The following PGAP2 variants were observed in gnomAD, a reference collection of about 807,000 sequenced individuals.
PGAP2 encodes the protein acyltransferase PGAP2.
In PGAP2, 21 loss-of-function variants were observed where a neutral mutation model predicts 33.2. The ratio of observed to expected loss-of-function variants is 0.63; its 90% CI spans 0.45 to 0.91. The LOEUF is 0.91. Ranked by LOEUF, PGAP2 falls within the 40% of genes least tolerant of loss-of-function variation. The probability of loss-of-function intolerance (pLI) is 0.00; values close to 1 mark genes in which losing one functional copy is unlikely to be tolerated. For missense variants in PGAP2, 345 were observed against 424.0 expected, an observed-to-expected ratio of 0.81 and a Z score of 1.64; for synonymous variants, 161 against 172.9, an observed-to-expected ratio of 0.93 and a Z score of 0.54.
At chr11:3,822,780 C>G (rs1156339569) in intron 3 of PGAP2, 2 of 537,992 alleles carry the variant, frequency 3.7e-6, no homozygotes, top group South Asian at 3.1e-5. Flanking sequence ...TCTAAGAGAG[C>G]CTCTTCCCAT....
At chr11:3,798,989 C>T (rs2083051403) in intron 1 of PGAP2, among the ~76,000 whole-genome samples, 1 of 152,228 alleles carries the variant, frequency 6.6e-6, no homozygotes, top group South Asian at 2.1e-4. Flanking sequence ...ATGTTCCCAT[C>T]TTCTCAGTGA....
chr11:3,825,158 C>A lies in PGAP2; in HGVS notation c.817+30C>A. 2.5e-6 allele frequency: 4 copies of A among 1,606,284 alleles called. No individual in the cohort carries two copies. The South Asian group carries it at 4.4e-5, about 18-fold the overall frequency. On this transcript the variant is annotated intron_variant, in intron 6 of 6. Transcript: ENST00000278243. ...GGCCAGGATAGGATCCACAGGCGGT[C>A]ATGAGTGGCTGCGGGGCAGCAATGA...
At chr11:3,808,066 CCGG>C (rs75108073), upstream of PGAP2, 163,598 of 1,423,458 alleles carry the variant, frequency 0.11, 10,405 homozygotes, top group Middle Eastern at 0.15. Context: ...ATGTGCCTCA[CCGG>C]GTCTCACTGC....
Position 3,815,852 on chromosome 11 carries a change from T to C in PGAP2, c.166-1501T>C, listed in dbSNP as rs918645834. 3.9e-5 allele frequency among the ~76,000 whole-genome samples: 6 copies of C among 152,336 alleles called. No individual in the cohort carries two copies. In the East Asian group the frequency reaches 1.2e-3, roughly 29 times the overall value. ...CTTTTGTATCCTGCTTCTGTCATCA[T>C]AGGATTTAGCCATTTCTCCAGTGAG... On this transcript the variant is annotated intron_variant, in intron 2 of 6. Coordinates refer to ENST00000278243, the MANE Select transcript of PGAP2 (RefSeq NM_014489.4).
chr11:3,824,492 A>T, intron 5 of PGAP2, 116 bp downstream of exon 5: 1 of 1,501,238 alleles, frequency 6.7e-7, no homozygotes, highest in Non-Finnish European at 9.1e-7. Flanking sequence ...GAACCCTGGC[A>T]GAGGGGTGCT....
At chr11:3,803,062 C>G (rs554264923) in intron 1 of PGAP2, among the ~76,000 whole-genome samples, 2 of 151,190 alleles carry the variant, frequency 1.3e-5, no homozygotes, top group East Asian at 2.0e-4. Flanking sequence ...GGTGTGATCC[C>G]AGCTCACTGC....
At chr11:3,800,986 T>G (rs1263088680) in intron 1 of PGAP2, among the ~76,000 whole-genome samples, 3 of 150,366 alleles carry the variant, frequency 2.0e-5, no homozygotes, top group Non-Finnish European at 3.0e-5. Flanking sequence ...TACAAAAAAT[T>G]AGCCGGGTGT....
chr11:3,808,494 A>C (rs909711632), upstream of PGAP2: 2 of 1,414,944 alleles, frequency 1.4e-6, no homozygotes, highest in African/African-American at 2.9e-5. Context: ...GGGAGGAGCC[A>C]GCGGAGGATC....
upstream of PGAP2, among the ~76,000 whole-genome samples, chr11:3,804,942 T>C (rs61896931): frequency 0.091 from 13,859 of 152,310 alleles, 852 homozygotes; most frequent in Middle Eastern, 0.16. Context: ...CCTCAGGTGA[T>C]CTGCTCACAT....
rs2089991431 is a variant in PGAP2 at position 3,826,161 on chromosome 11, TTCTTC to T, written c.*710_*714del. 6.6e-6 allele frequency: 1 copy of T among 152,262 alleles called. No individual in the cohort carries two copies. Among genetic ancestry groups the T allele is most frequent in the Non-Finnish European group, 1.5e-5 (1 of 68,144 alleles). 9.4% of individuals were successfully genotyped at this position (152,262 alleles called of 1,614,324 possible). On this transcript the variant is annotated 3_prime_UTR_variant, in exon 7 of 7. Coordinates refer to ENST00000278243, the MANE Select transcript of PGAP2 (RefSeq NM_014489.4). ...AAACAGCACCAGCACAGCATGTATTTTCTTCTCTTCTGAAAGTTCTGGCTTGTAGA... is the reference window on the plus strand; with the variant it reads ...AAACAGCACCAGCACAGCATGTATTTTCTTCTGAAAGTTCTGGCTTGTAGA...
intron 3 of PGAP2, 105 bp from the exon 4 acceptor site, chr11:3,823,776 GGA>G (rs1362034371): frequency 6.3e-7 from 1 of 1,599,094 alleles, no homozygotes; most frequent in South Asian, 1.1e-5. Context: ...TCTTGGAAGG[GGA>G]GGGGCTGGAG....
At chr11:3,803,096 C>A (rs1178996130) in intron 1 of PGAP2, among the ~76,000 whole-genome samples, 1 of 151,450 alleles carries the variant, frequency 6.6e-6, no homozygotes, top group Non-Finnish European at 1.5e-5. Context: ...TGGGTTCAAG[C>A]GATTCTCCTG....
chr11:3,820,272 T>C (rs1224207243), intron 3 of PGAP2, among the ~76,000 whole-genome samples: 1 of 152,208 alleles, frequency 6.6e-6, no homozygotes, highest in African/African-American at 2.4e-5. Flanking sequence ...TCTGTGGCCA[T>C]GTAGCTCACA....
chr11:3,806,597 C>A (rs571109354), upstream of PGAP2, among the ~76,000 whole-genome samples: 2 of 152,254 alleles, frequency 1.3e-5, no homozygotes, highest in African/African-American at 4.8e-5. Flanking sequence ...TCAACAAATG[C>A]TAAGTGGCAT....
intron 3 of PGAP2, among the ~76,000 whole-genome samples, chr11:3,823,269 C>T (rs181756532): frequency 1.6e-3 from 248 of 151,896 alleles, no homozygotes; most frequent in Admixed American, 3.7e-3. Flanking sequence ...CTCCTGACCT[C>T]GGGTGATCCA....
chr11:3,799,403 T>C (rs1257097360), intron 1 of PGAP2, among the ~76,000 whole-genome samples: 1 of 151,758 alleles, frequency 6.6e-6, no homozygotes. Context: ...TCAAGCATGG[T>C]GGTGGGCACC....
At chr11:3,808,035 C>T (rs1466584697), upstream of PGAP2, 1 of 1,402,990 alleles carries the variant, frequency 7.1e-7, no homozygotes, top group Non-Finnish European at 9.3e-7. Flanking sequence ...GCGGGAACAG[C>T]TCTAGGCCAG....
chr11:3,818,351 A>AGTGCAAG (rs1166754387), intron 3 of PGAP2, among the ~76,000 whole-genome samples: 1 of 147,640 alleles, frequency 6.8e-6, no homozygotes, highest in Non-Finnish European at 1.5e-5. Context: ...AAACAATAAC[A>AGTGCAAG]GTGCAAGGGA....
At position 3,811,152 on chromosome 11, in the gene PGAP2, C is replaced by A; in HGVS notation, c.-10-98C>A. On this transcript the variant is annotated intron_variant, in intron 1 of 6. Transcript: ENST00000278243. This position sits in a 1 kb window ranked among gnomAD's most constrained non-coding sequence, Gnocchi z 4.6. Reference sequence around the variant, plus strand: ...CCTCCTCAGACTCCCCACCCCACAGCACACAGCTAATTTTAGGACTGAGCA... The same window carrying A: ...CCTCCTCAGACTCCCCACCCCACAGAACACAGCTAATTTTAGGACTGAGCA... The A allele has an allele frequency of 1.7e-6, 2 of 1,147,610 alleles. No individual in the cohort carries two copies. Among genetic ancestry groups the A allele is most frequent in the Non-Finnish European group, 2.5e-6 (2 of 800,958 alleles). The allele number at this position is 1,147,610 out of a possible 1,614,324, so 71.1% of individuals were successfully genotyped here. A position where few individuals can be genotyped will look rare whatever the true frequency, so the allele number is the denominator to read the frequency against.
Sources: gnomAD v4.1 joint callset for allele counts (sites outside exome capture counted in the v4.1 genomes callset) on GRCh38, gnomAD v4.1.1 for gene constraint, Gnocchi (gnomAD v3.1) non-coding constraint, MANE v1.5 for transcripts, NCBI Gene and HGNC (gene_info 2026-07-23, HGNC 2026-07-21) for gene names.